CSGALNACT2: variants seen among roughly 807,000 people sequenced by gnomAD.
CSGALNACT2 encodes chondroitin sulfate N-acetylgalactosaminyltransferase 2.
In CSGALNACT2, 35 loss-of-function variants were observed where a neutral mutation model predicts 55.3. That is an observed-to-expected ratio of 0.63 (90% CI 0.48 to 0.84). CSGALNACT2 has a LOEUF of 0.84. Among genes scored for constraint, CSGALNACT2 ranks in the 40% least tolerant of loss-of-function variants. The probability of loss-of-function intolerance (pLI) is 0.00; values close to 1 mark genes in which losing one functional copy is unlikely to be tolerated. For missense variants in CSGALNACT2, 544 were observed against 657.5 expected (o/e 0.83, Z 1.89); for synonymous variants, 196 against 224.9 (o/e 0.87, Z 1.15).
At chr10:43,140,209 A>G (rs1488817194) in intron 1 of CSGALNACT2, among the ~76,000 whole-genome samples, 2 of 152,198 alleles carry the variant, frequency 1.3e-5, no homozygotes, top group Non-Finnish European at 2.9e-5. Context: ...TACTGTGGAC[A>G]TTCTTGTAAA....
rs776119412 is a variant in CSGALNACT2, at chr10:43,163,957, A to G, written c.1072A>G (p.Lys358Glu). 8.1e-6 allele frequency: 13 copies of G among 1,614,018 alleles called. No homozygotes were observed. The Admixed American group carries it at 2.0e-4, about 25-fold the overall frequency. Residue 358 changes from lysine (K) to glutamate (E), a missense_variant, in exon 5 of 8, where the codon AAG becomes GAG. Physicochemically the swap from Lys to Glu is moderately conservative, Grantham distance 56. This residue lies in a region of CSGALNACT2 where 170 missense variants were observed against 256.2 expected (regional missense o/e 0.66). Coordinates refer to ENST00000374466, the MANE Select transcript of CSGALNACT2 (RefSeq NM_018590.5). Reference sequence around the variant, plus strand: ...AAATGTGGGTGCCCGAGCTTGGGACAAGGGAGAGGTCTTGATGTTTTTCTG... The same window carrying G: ...AAATGTGGGTGCCCGAGCTTGGGACGAGGGAGAGGTCTTGATGTTTTTCTG... ...GLNVGARAWD[K>E]GEVLMFFCDV...
rs7100978 is a variant in CSGALNACT2 at position 43,140,026 on chromosome 10, T to C, written c.-254+1459T>C. Reference sequence around the variant, plus strand: ...CTGGCAAACATGGTGAAACCGCATCTCTACTAAAAATACAAAAATTAGCCA... The same window carrying C: ...CTGGCAAACATGGTGAAACCGCATCCCTACTAAAAATACAAAAATTAGCCA... On this transcript the variant is annotated intron_variant, in intron 1 of 7. Transcript: ENST00000374466. 2.5e-3 allele frequency among the ~76,000 whole-genome samples: 388 copies of C among 152,242 alleles called. 2 individuals are homozygous for C. Among genetic ancestry groups the C allele is most frequent in the African/African-American group, 8.4e-3 (348 of 41,534 alleles).
At position 43,160,475 on chromosome 10, in the gene CSGALNACT2, T is replaced by C; in HGVS notation, c.879-19T>C. 1 of 1,296,872 alleles carries C rather than the reference T, an allele frequency of 7.7e-7. No homozygotes were observed. The highest frequency in any genetic ancestry group is 1.1e-6 in the Non-Finnish European group (1 of 908,306). The allele number at this position is 1,296,872 out of a possible 1,614,324, so 80.3% of individuals were successfully genotyped here. On this transcript the variant is annotated intron_variant, in intron 3 of 7. Coordinates refer to ENST00000374466, the MANE Select transcript of CSGALNACT2 (RefSeq NM_018590.5). ...CCTCATGTTTTCTTGAATAAACTTT[T>C]ATTTTTCACTTCTGTTAGGGATGTT... is the stretch of plus-strand genomic sequence containing the variant.
chr10:43,147,221 C>T (rs1342123416), intron 1 of CSGALNACT2, among the ~76,000 whole-genome samples: 6 of 151,950 alleles, frequency 3.9e-5, no homozygotes, highest in Middle Eastern at 3.4e-3. Flanking sequence ...GTGATCCGCC[C>T]GCCTCGGCCT....
intron 1 of CSGALNACT2, among the ~76,000 whole-genome samples, chr10:43,139,900 T>C (rs774110462): frequency 6.6e-6 from 1 of 152,226 alleles, no homozygotes; most frequent in Non-Finnish European, 1.5e-5. Flanking sequence ...GTTTTGGATA[T>C]TAAGAATACT....
At chr10:43,162,712 G>C (rs947483953) in intron 4 of CSGALNACT2, 1 of 983,246 alleles carries the variant, frequency 1.0e-6, no homozygotes, top group Non-Finnish European at 1.2e-6. Flanking sequence ...TGATTCTCCA[G>C]CTTCAGTGCC....
Position 43,175,968 on chromosome 10 carries a change from T to C in CSGALNACT2, c.1272T>C (p.Ser424=), listed in dbSNP as rs1319400468. Reference sequence around the variant, plus strand: ...TAACTAAGGTTCACAAAAAGGATTCTGGCTTTTGGCGAGATTTTGGCTTTG... The same window carrying C: ...TAACTAAGGTTCACAAAAAGGATTCCGGCTTTTGGCGAGATTTTGGCTTTG... ...VEQQLVHKKD[S]GFWRDFGFGM... The change falls in exon 7 of 8, where the codon TCT becomes TCC. Residue 424 remains serine (S), a synonymous_variant. Coordinates refer to ENST00000374466, the MANE Select transcript of CSGALNACT2 (RefSeq NM_018590.5). 1.9e-6 allele frequency: 3 copies of C among 1,607,890 alleles called. No homozygotes were observed. Among genetic ancestry groups the C allele is most frequent in the Non-Finnish European group, 2.5e-6 (3 of 1,178,278 alleles).
chr10:43,161,281 A>G (rs1839142428), intron 4 of CSGALNACT2, among the ~76,000 whole-genome samples: 4 of 152,182 alleles, frequency 2.6e-5, no homozygotes, highest in African/African-American at 7.2e-5. Context: ...ACCTTTGACA[A>G]CCTAACCAGT....
chr10:43,143,705 AG>A (rs1419306203), intron 1 of CSGALNACT2, among the ~76,000 whole-genome samples: 4 of 152,302 alleles, frequency 2.6e-5, no homozygotes, highest in African/African-American at 9.6e-5. Flanking sequence ...GCTGTGCCAC[AG>A]TTTGGCACAT....
intron 5 of CSGALNACT2, 104 bp from the exon 6 acceptor site, chr10:43,166,900 A>C (rs1839276191): frequency 1.7e-6 from 1 of 604,020 alleles, no homozygotes; most frequent in Non-Finnish European, 2.9e-6. Flanking sequence ...AAAATAGATA[A>C]AATCATGTAT....
At chr10:43,168,609 T>G (rs1415901398) in intron 6 of CSGALNACT2, among the ~76,000 whole-genome samples, 1 of 151,960 alleles carries the variant, frequency 6.6e-6, no homozygotes, top group Non-Finnish European at 1.5e-5. Flanking sequence ...CACCATATGA[T>G]GTACTTAACA....
Position 43,140,062 on chromosome 10 carries a change from C to T in CSGALNACT2, c.-254+1495C>T, listed in dbSNP as rs111553172. Among the ~76,000 whole-genome samples the T allele has an allele frequency of 9.2e-5, 14 of 152,192 alleles. 3 individuals carry two copies. The highest frequency in any genetic ancestry group is 3.4e-4 in the African/African-American group (14 of 41,510). Reference sequence around the variant, plus strand: ...TACAAAAATTAGCCAGGCGTGGTGGCGGGCGCCTGTAAGCCCAGCTACTTG... The same window carrying T: ...TACAAAAATTAGCCAGGCGTGGTGGTGGGCGCCTGTAAGCCCAGCTACTTG... On this transcript the variant is annotated intron_variant, in intron 1 of 7. Transcript: ENST00000374466.
In CSGALNACT2 at chr10:43,169,751, GA is replaced by G. The variant is rs200827598; in HGVS notation, c.1254+2654del. ...GGTGTTTGGAGAACAACAGTAAAAG[GA>G]CAATTCTAATAGCTTCCAGAGACAC... On this transcript the variant is annotated intron_variant, in intron 6 of 7. Transcript: ENST00000374466. Among the ~76,000 whole-genome samples the G allele has an allele frequency of 1.2e-3, 182 of 152,268 alleles. 4 individuals are homozygous for G. The East Asian group carries it at 0.033, about 28-fold the overall frequency.
Position 43,155,339 on chromosome 10 carries a change from CAAG to C in CSGALNACT2, c.196_198del (p.Glu66del), listed in dbSNP as rs766082270. 2.7e-5 allele frequency: 43 copies of C among 1,614,120 alleles called. No individual in the cohort carries two copies. The highest frequency in any genetic ancestry group is 2.2e-5 in the East Asian group (1 of 44,888). ...GTATTATCAAGCCCTCCTACAGGAACAAGAAGAACATTATCAGACCAGGGCAAC... is the reference window on the plus strand; with the variant it reads ...GTATTATCAAGCCCTCCTACAGGAACAAGAACATTATCAGACCAGGGCAAC... On this transcript the variant is annotated inframe_deletion, in exon 2 of 8. Coordinates refer to ENST00000374466, the MANE Select transcript of CSGALNACT2 (RefSeq NM_018590.5).
At chr10:43,175,516 C>T (rs1186117306) in intron 6 of CSGALNACT2, among the ~76,000 whole-genome samples, 3 of 152,092 alleles carry the variant, frequency 2.0e-5, no homozygotes, top group Admixed American at 2.0e-4. Context: ...TGGCCCACTC[C>T]GAATCTACTG....
chr10:43,179,203 A>T (rs1839541991), intron 7 of CSGALNACT2, among the ~76,000 whole-genome samples: 1 of 149,096 alleles, frequency 6.7e-6, no homozygotes, highest in African/African-American at 2.5e-5. Flanking sequence ...TTGTGTATTA[A>T]AGCTAATGTC....
intron 2 of CSGALNACT2, among the ~76,000 whole-genome samples, chr10:43,157,817 T>G (rs1839048496): frequency 6.6e-6 from 1 of 151,884 alleles, no homozygotes; most frequent in African/African-American, 2.4e-5. Flanking sequence ...GATTATGAGG[T>G]CAAGAGATCA....
chr10:43,175,930 G>GTTT (rs61579799), intron 6 of CSGALNACT2, 21 bp from the exon 7 acceptor site: 2 of 1,319,820 alleles, frequency 1.5e-6, no homozygotes, highest in Admixed American at 2.2e-5. Flanking sequence ...ATTGTTTTCT[G>GTTT]TTTTTTTTTT....
intron 1 of CSGALNACT2, among the ~76,000 whole-genome samples, chr10:43,140,811 T>C (rs1486723824): frequency 6.6e-6 from 1 of 152,194 alleles, no homozygotes; most frequent in South Asian, 2.1e-4. Flanking sequence ...AGGAGTACAG[T>C]GATTTTCATA....
Sources: gnomAD v4.1 joint callset for allele counts (sites outside exome capture counted in the v4.1 genomes callset) on GRCh38, gnomAD v4.1.1 for gene constraint, gnomAD v4.1.1 regional missense constraint, MANE v1.5 for transcripts, NCBI Gene and HGNC (gene_info 2026-07-23, HGNC 2026-07-21) for gene names.